PLCZ1: variants seen among roughly 807,000 people sequenced by gnomAD.
PLCZ1 encodes the protein 1-phosphatidylinositol 4,5-bisphosphate phosphodiesterase zeta-1.
In PLCZ1, 64 loss-of-function variants were observed where a neutral mutation model predicts 76.8. The observed-to-expected ratio is 0.83, with a 90% confidence interval of 0.68 to 1.03. PLCZ1 has a LOEUF of 1.03. Ranked by LOEUF, PLCZ1 falls within the 50% of genes least tolerant of loss-of-function variation. PLCZ1 has a pLI of 0.00. For synonymous variants in PLCZ1, 248 were observed against 230.8 expected, an observed-to-expected ratio of 1.07 and a Z score of -0.68; for missense variants, 751 against 713.7, an observed-to-expected ratio of 1.05 and a Z score of -0.60.
chr12:18,654,039 G>A, the PLCZ1 span, among the ~76,000 whole-genome samples: 1 of 151,942 alleles, frequency 6.6e-6, no homozygotes, highest in Non-Finnish European at 1.5e-5. Context: ...TCAGAGCAAT[G>A]GTAGCAGAAG....
chr12:18,668,129 T>C, the PLCZ1 span, among the ~76,000 whole-genome samples: 1 of 152,200 alleles, frequency 6.6e-6, no homozygotes, highest in Non-Finnish European at 1.5e-5. Context: ...TGTATTATCT[T>C]AATCTCTCTG....
rs764265701 is a variant in PLCZ1, at chr12:18,696,259, C to T, written c.1182G>A (p.Glu394=). 5 of 1,518,480 alleles carry T rather than the reference C, an allele frequency of 3.3e-6. No homozygotes were observed. The South Asian group carries it at 3.4e-5, about 10-fold the overall frequency. The allele number at this position is 1,518,480 out of a possible 1,614,324, so 94.1% of individuals were successfully genotyped here. A position where few individuals can be genotyped will look rare whatever the true frequency, so the allele number is the denominator to read the frequency against. ...ARKLSKLRVH[E]FIFHTRKFIT... is the part of the protein sequence containing the mutation. ...TGAACTTCCTGGTGTGAAAAATAAACTCATGGACTGAAAAAGAATAATTAA... is the reference window on the plus strand; with the variant it reads ...TGAACTTCCTGGTGTGAAAAATAAATTCATGGACTGAAAAAGAATAATTAA... Residue 394 remains glutamate (E), a synonymous_variant, in exon 11 of 15, where the codon GAG becomes GAA. Coordinates refer to ENST00000266505, the MANE Select transcript of PLCZ1 (RefSeq NM_033123.4).
At chr12:18,653,933 C>T in the PLCZ1 span, among the ~76,000 whole-genome samples, 1 of 152,082 alleles carries the variant, frequency 6.6e-6, no homozygotes, top group Non-Finnish European at 1.5e-5. Flanking sequence ...CTATACCTGT[C>T]AGCCTTCTGG....
intron 12 of PLCZ1, among the ~76,000 whole-genome samples, chr12:18,692,166 G>T (rs893789428): frequency 6.6e-6 from 1 of 152,162 alleles, no homozygotes; most frequent in Non-Finnish European, 1.5e-5. Flanking sequence ...GCTTCACTAA[G>T]TAATGACATT....
downstream of PLCZ1, among the ~76,000 whole-genome samples, chr12:18,680,382 A>G (rs1016979577): frequency 1.3e-5 from 2 of 151,948 alleles, no homozygotes; most frequent in Admixed American, 6.6e-5. Flanking sequence ...CTTATATCCA[A>G]CATTTAAAAT....
the PLCZ1 span, chr12:18,647,834 A>T: frequency 1.6e-6 from 2 of 1,259,040 alleles, no homozygotes. Context: ...GATGTATTTA[A>T]GCATTTCTGA....
intron 6 of PLCZ1, 90 bp downstream of exon 6, chr12:18,712,752 A>G: frequency 6.8e-7 from 1 of 1,461,602 alleles, no homozygotes; most frequent in African/African-American, 1.4e-5. Flanking sequence ...TATCATCTAA[A>G]GTAAGGCTAA....
At chr12:18,653,943 G>T in the PLCZ1 span, among the ~76,000 whole-genome samples, 320 of 152,068 alleles carry the variant, frequency 2.1e-3, no homozygotes, top group African/African-American at 7.3e-3. Flanking sequence ...CAGCCTTCTG[G>T]CTCCATGATT....
intron 3 of PLCZ1, among the ~76,000 whole-genome samples, chr12:18,730,051 C>G (rs1316017064): frequency 1.3e-5 from 2 of 152,084 alleles, no homozygotes; most frequent in African/African-American, 4.8e-5. Flanking sequence ...CCACAACAAT[C>G]ATGTGAGATA....
At chr12:18,703,979 C>T (rs1956263523) in intron 7 of PLCZ1, among the ~76,000 whole-genome samples, 1 of 152,102 alleles carries the variant, frequency 6.6e-6, no homozygotes, top group African/African-American at 2.4e-5. Flanking sequence ...CAATACTATT[C>T]ATCAAAAAGA....
chr12:18,726,825 G>A (rs1254453527), intron 3 of PLCZ1, among the ~76,000 whole-genome samples: 2 of 152,106 alleles, frequency 1.3e-5, no homozygotes, highest in Non-Finnish European at 2.9e-5. Flanking sequence ...TTACATTACA[G>A]GAAATGATAT....
At chr12:18,721,850 G>A (rs1480874600) in intron 4 of PLCZ1, among the ~76,000 whole-genome samples, 1 of 151,886 alleles carries the variant, frequency 6.6e-6, no homozygotes, top group Non-Finnish European at 1.5e-5. Context: ...TTGTCACTAA[G>A]ACTCAACTCA....
At chr12:18,714,392 A>G (rs1407894471) in intron 5 of PLCZ1, among the ~76,000 whole-genome samples, 2 of 152,270 alleles carry the variant, frequency 1.3e-5, no homozygotes, top group East Asian at 3.9e-4. Flanking sequence ...TCCATAAAAC[A>G]TGTTTGACAT....
At chr12:18,682,826 T>G (rs115137441), downstream of PLCZ1, among the ~76,000 whole-genome samples, 683 of 152,140 alleles carry the variant, frequency 4.5e-3, 4 homozygotes, top group African/African-American at 0.015. Flanking sequence ...ATCTAATTCC[T>G]TCCCACAAAA....
intron 3 of PLCZ1, among the ~76,000 whole-genome samples, chr12:18,735,538 C>A (rs539605787): frequency 1.3e-5 from 2 of 152,012 alleles, no homozygotes; most frequent in South Asian, 2.1e-4. Flanking sequence ...CTGCACACAG[C>A]CTCTCAGTCT....
the PLCZ1 span, among the ~76,000 whole-genome samples, chr12:18,659,190 T>C: frequency 6.6e-6 from 1 of 152,234 alleles, no homozygotes; most frequent in African/African-American, 2.4e-5. Context: ...TATATAAAGG[T>C]ACTCAAAAAC....
At chr12:18,679,359 C>G (rs532543149), downstream of PLCZ1, among the ~76,000 whole-genome samples, 1 of 151,838 alleles carries the variant, frequency 6.6e-6, no homozygotes, top group Non-Finnish European at 1.5e-5. Flanking sequence ...TTCAAGAAAC[C>G]TTTGCTTATC....
In PLCZ1 at chr12:18,694,975, C is replaced by G. The variant is rs1285002950; in HGVS notation, c.1396G>C (p.Glu466Gln). Residue 466 changes from glutamate to glutamine, a missense_variant, in exon 12 of 15, where the codon GAG becomes CAG. Glu to Gln is a conservative substitution (Grantham distance 29, BLOSUM62 2). Transcript: ENST00000266505. ...CTTGGGTTAAAGTATGATTTACTCT[C>G]TCTTAAGAAATGTGGTTTCAAAATA... ...GYILKPHFLRESKSYFNPSNI... is the reference protein window; with the variant it reads ...GYILKPHFLRQSKSYFNPSNI... The G allele has an allele frequency of 3.1e-6, 5 of 1,608,696 alleles. No homozygotes were observed. The highest frequency in any genetic ancestry group is 4.3e-6 in the Non-Finnish European group (5 of 1,175,654).
intron 12 of PLCZ1, chr12:18,692,897 A>G: frequency 6.2e-7 from 1 of 1,601,976 alleles, no homozygotes; most frequent in Non-Finnish European, 8.5e-7. Flanking sequence ...AGAAGAAAAC[A>G]AAGGGACCAG....
Sources: allele counts gnomAD v4.1 joint callset (sites outside exome capture counted in the v4.1 genomes callset), GRCh38; gene constraint gnomAD v4.1.1; transcripts MANE v1.5; gene names NCBI Gene and HGNC (gene_info 2026-07-23, HGNC 2026-07-21).